Variants in SEMA3A observed in about 807,000 individuals in gnomAD.
SEMA3A encodes the protein semaphorin-3A.
Under a neutral mutation model 97.9 loss-of-function variants are expected in SEMA3A, and 29 were observed. The ratio of observed to expected loss-of-function variants is 0.30; its 90% confidence interval spans 0.22 to 0.40. SEMA3A has a LOEUF of 0.40. SEMA3A is among the 10% of genes least tolerant of loss of function. The probability of loss-of-function intolerance (pLI) is 1.00; values close to 1 mark genes in which losing one functional copy is unlikely to be tolerated. For synonymous variants in SEMA3A, 321 were observed against 323.7 expected (o/e 0.99, Z 0.09); for missense variants, 763 against 951.3 (o/e 0.80, Z 2.60).
At chr7:84,469,300 G>A (rs966744819) in intron 1 of SEMA3A, among the ~76,000 whole-genome samples, 5 of 152,126 alleles carry the variant, frequency 3.3e-5, no homozygotes, top group African/African-American at 1.2e-4. Context: ...AATGTTTTTA[G>A]TCATGGACCT....
At chr7:84,180,228 G>T (rs1490165863) in intron 1 of SEMA3A, among the ~76,000 whole-genome samples, 2 of 151,536 alleles carry the variant, frequency 1.3e-5, no homozygotes, top group Non-Finnish European at 2.9e-5. Flanking sequence ...TTACAGGCAT[G>T]AGCCACCGTG....
intron 1 of SEMA3A, among the ~76,000 whole-genome samples, chr7:84,390,049 A>G (rs1370433481): frequency 1.3e-5 from 2 of 152,142 alleles, no homozygotes; most frequent in Admixed American, 1.3e-4. Flanking sequence ...TTGTTTCCAC[A>G]TGGTGACATA....
At chr7:84,358,984 G>C (rs1489716112) in intron 2 of SEMA3A, among the ~76,000 whole-genome samples, 1 of 152,176 alleles carries the variant, frequency 6.6e-6, no homozygotes, top group Non-Finnish European at 1.5e-5. Context: ...CATTGATCCT[G>C]AGACTTTGCT....
At chr7:84,102,891 A>G (rs553639371) in intron 4 of SEMA3A, among the ~76,000 whole-genome samples, 9 of 151,860 alleles carry the variant, frequency 5.9e-5, no homozygotes, top group Non-Finnish European at 1.3e-4. Flanking sequence ...CTTTTACACT[A>G]TCTTTTTAAA....
chr7:84,335,421 G>A (rs1562908121), intron 2 of SEMA3A, among the ~76,000 whole-genome samples: 5 of 152,238 alleles, frequency 3.3e-5, no homozygotes, highest in African/African-American at 1.2e-4. Context: ...AGTTGTGGAA[G>A]ATAATAATTT....
intron 2 of SEMA3A, among the ~76,000 whole-genome samples, chr7:84,353,152 T>C (rs553997472): frequency 2.6e-5 from 4 of 151,962 alleles, no homozygotes; most frequent in Non-Finnish European, 5.9e-5. Flanking sequence ...ATAGTTTTTA[T>C]ATCATATTGT....
intron 1 of SEMA3A, among the ~76,000 whole-genome samples, chr7:84,400,776 T>C (rs1348690726): frequency 6.6e-6 from 1 of 152,254 alleles, no homozygotes; most frequent in South Asian, 2.1e-4. Flanking sequence ...TGAAGTCATG[T>C]GATCATTTTA....
intron 2 of SEMA3A, among the ~76,000 whole-genome samples, chr7:84,317,006 A>G (rs1314455535): frequency 6.6e-6 from 1 of 152,084 alleles, no homozygotes; most frequent in Non-Finnish European, 1.5e-5. Context: ...AAATTATACT[A>G]TTAGCTGGTA....
intron 1 of SEMA3A, among the ~76,000 whole-genome samples, chr7:84,435,922 T>A (rs1805115459): frequency 6.6e-6 from 1 of 152,142 alleles, no homozygotes; most frequent in Non-Finnish European, 1.5e-5. Flanking sequence ...ATTACCCTAC[T>A]TTAAACTGTG....
chr7:84,207,007 CCAAA>C (rs1798510239), intron 3 of SEMA3A, among the ~76,000 whole-genome samples: 1 of 152,092 alleles, frequency 6.6e-6, no homozygotes, highest in Admixed American at 6.5e-5. Flanking sequence ...TTATAGGCAC[CCAAA>C]CAATGATTAT....
At chr7:84,187,880 G>C (rs997680774) in intron 1 of SEMA3A, among the ~76,000 whole-genome samples, 1 of 152,014 alleles carries the variant, frequency 6.6e-6, no homozygotes, top group African/African-American at 2.4e-5. Flanking sequence ...CCAGCCTTTA[G>C]AAACTCAGAA....
rs1328950405 is a variant in SEMA3A, at chr7:83,956,190, A to C, written c.*5181T>G. On this transcript the variant is annotated 3_prime_UTR_variant, in exon 17 of 17. Coordinates refer to ENST00000265362, the MANE Select transcript of SEMA3A (RefSeq NM_006080.3). ...TAAGGTATGCCTTGAACAAATGCAG[A>C]CTTCACATTTTAATGCTATCTTTGC... 1 of 152,134 alleles carries C rather than the reference A, an allele frequency of 6.6e-6. No individual in the cohort carries two copies. The highest frequency in any genetic ancestry group is 1.5e-5 in the Non-Finnish European group (1 of 68,014). 9.4% of individuals were successfully genotyped at this position (152,134 alleles called of 1,614,324 possible).
chr7:84,464,163 T>G (rs916886010), intron 1 of SEMA3A, among the ~76,000 whole-genome samples: 1 of 152,216 alleles, frequency 6.6e-6, no homozygotes, highest in African/African-American at 2.4e-5. Flanking sequence ...AATAACAGTT[T>G]TCCTTTATTG....
chr7:84,398,881 A>C (rs1174434535), intron 1 of SEMA3A, among the ~76,000 whole-genome samples: 4 of 152,200 alleles, frequency 2.6e-5, no homozygotes, highest in Non-Finnish European at 5.9e-5. Flanking sequence ...AAGATGGCCT[A>C]GTAGAACCCT....
At position 84,409,544 on chromosome 7, in the gene SEMA3A, C is replaced by G. The variant is rs566367605; in HGVS notation, c.-245-37644G>C. Among the ~76,000 whole-genome samples the G allele has an allele frequency of 5.3e-5, 8 of 152,110 alleles. No individual in the cohort carries two copies. The South Asian group carries it at 1.7e-3, about 32-fold the overall frequency. On this transcript the variant is annotated intron_variant, in intron 1 of 3. Transcript: ENST00000424555. Reference sequence around the variant, plus strand: ...GGGGGAAAGAAATTTTACATTATTACATTTAACTTAGTATTTACTTGTGAT... The same window carrying G: ...GGGGGAAAGAAATTTTACATTATTAGATTTAACTTAGTATTTACTTGTGAT...
chr7:84,414,610 T>C (rs1462700490), intron 1 of SEMA3A, among the ~76,000 whole-genome samples: 1 of 152,088 alleles, frequency 6.6e-6, no homozygotes, highest in Non-Finnish European at 1.5e-5. Flanking sequence ...TGTAGTATTC[T>C]TGTCAAAGTT....
At chr7:84,116,281 G>C (rs571539672) in intron 3 of SEMA3A, among the ~76,000 whole-genome samples, 1 of 152,236 alleles carries the variant, frequency 6.6e-6, no homozygotes, top group South Asian at 2.1e-4. Context: ...AGACACTGAT[G>C]TATCACTTAT....
intron 1 of SEMA3A, among the ~76,000 whole-genome samples, chr7:84,192,835 C>T (rs1388389122): frequency 1.3e-5 from 2 of 151,708 alleles, no homozygotes; most frequent in African/African-American, 4.8e-5. Context: ...AAAAGTATTA[C>T]AAATAGCCAG....
chr7:84,463,822 A>G (rs1398266238), intron 1 of SEMA3A, among the ~76,000 whole-genome samples: 2 of 151,944 alleles, frequency 1.3e-5, no homozygotes, highest in Non-Finnish European at 2.9e-5. Context: ...TCCTTTTCCC[A>G]TAAAACATAT....
Sources: gnomAD v4.1 joint callset for allele counts (sites outside exome capture counted in the v4.1 genomes callset) on GRCh38, gnomAD v4.1.1 for gene constraint, MANE v1.5 for transcripts, NCBI Gene and HGNC (gene_info 2026-07-23, HGNC 2026-07-21) for gene names.